ASIC2: variants seen among roughly 807,000 people sequenced by gnomAD.
ASIC2 encodes acid sensing ion channel subunit 2.
In ASIC2, 25 loss-of-function variants were observed where a neutral mutation model predicts 57.3. That is an observed-to-expected ratio of 0.44 (90% CI 0.32 to 0.61). The LOEUF (loss-of-function observed/expected upper bound fraction) is 0.61, where lower values mean the gene tolerates loss of function less well. Ranked by LOEUF, ASIC2 falls within the 20% of genes least tolerant of loss-of-function variation. ASIC2 has a pLI of 0.06. For missense variants in ASIC2, 641 were observed against 738.1 expected (o/e 0.87, Z 1.52); for synonymous variants, 319 against 307.5 (o/e 1.04, Z -0.39).
intron 1 of ASIC2, among the ~76,000 whole-genome samples, chr17:33,383,762 G>A (rs1031759620): frequency 1.3e-5 from 2 of 152,186 alleles, no homozygotes; most frequent in African/African-American, 4.8e-5. Context: ...ACAAAACAGT[G>A]GCAGGGATGG....
chr17:34,042,549 T>G (rs75489643), intron 1 of ASIC2, among the ~76,000 whole-genome samples: 2,403 of 151,776 alleles, frequency 0.016, 65 homozygotes, highest in East Asian at 0.059. Context: ...CTGGAGACAG[T>G]GGTAAGGTGT....
intron 1 of ASIC2, among the ~76,000 whole-genome samples, chr17:33,966,277 G>T (rs1905070713): frequency 6.6e-6 from 1 of 152,200 alleles, no homozygotes; most frequent in African/African-American, 2.4e-5. Flanking sequence ...AGGATAGCAT[G>T]GGCTTTGGAA....
intron 1 of ASIC2, among the ~76,000 whole-genome samples, chr17:33,202,275 T>G (rs1051418004): frequency 6.6e-6 from 1 of 152,092 alleles, no homozygotes; most frequent in African/African-American, 2.4e-5. Context: ...TGGAGCTAAC[T>G]CCCCACAGGG....
rs537614300 is a variant in ASIC2 at position 33,829,852 on chromosome 17, C to T, written c.555+326126G>A. On this transcript the variant is annotated intron_variant, in intron 1 of 9. Transcript: ENST00000359872. ...TGCTGGGATTACAGGCGTGAGCCAC[C>T]GCGCCCACCCTATGTTAAACATTTT... 1.2e-4 allele frequency among the ~76,000 whole-genome samples: 18 copies of T among 152,134 alleles called. No individual in the cohort carries two copies. In the East Asian group the frequency reaches 1.9e-3, roughly 16 times the overall value.
chr17:33,732,865 T>C (rs925729028), intron 1 of ASIC2, among the ~76,000 whole-genome samples: 4 of 152,190 alleles, frequency 2.6e-5, no homozygotes, highest in Admixed American at 2.6e-4. Context: ...CCCAAACTCC[T>C]GACCTCAAGT....
intron 3 of ASIC2, among the ~76,000 whole-genome samples, chr17:33,074,212 GT>G (rs2092080492): frequency 6.6e-6 from 1 of 152,172 alleles, no homozygotes; most frequent in Non-Finnish European, 1.5e-5. Context: ...TATGGGTTAT[GT>G]TTTTCTATTT....
chr17:33,070,473 G>A (rs2092064224), intron 3 of ASIC2, among the ~76,000 whole-genome samples: 1 of 151,940 alleles, frequency 6.6e-6, no homozygotes, highest in East Asian at 1.9e-4. Flanking sequence ...GAGTAGCTGG[G>A]ACTACAGGTG....
At chr17:33,605,221 C>G (rs1465397354) in intron 1 of ASIC2, among the ~76,000 whole-genome samples, 2 of 152,218 alleles carry the variant, frequency 1.3e-5, no homozygotes, top group African/African-American at 4.8e-5. Flanking sequence ...ATGGCAAGAG[C>G]CCTGGCTGCA....
chr17:33,856,502 CAGTAGTAGTGGTGGTGGTGGT>C (rs1913942112), intron 1 of ASIC2, among the ~76,000 whole-genome samples: 1 of 19,898 alleles, frequency 5.0e-5, no homozygotes, highest in South Asian at 1.9e-3. Context: ...ATAGTGTTGT[CAGTAGTAGTGGTGGTGGTGGT>C]AGTAGTAGTG....
intron 1 of ASIC2, chr17:34,118,667 A>G (rs2142116981): frequency 6.6e-6 from 1 of 152,334 alleles, no homozygotes; most frequent in South Asian, 2.1e-4. Context: ...CCGGGTTAGG[A>G]AATAAAGCAA....
intron 1 of ASIC2, among the ~76,000 whole-genome samples, chr17:33,981,780 T>A (rs1315538517): frequency 6.6e-6 from 1 of 152,210 alleles, no homozygotes; most frequent in African/African-American, 2.4e-5. Flanking sequence ...TCTTATTTAA[T>A]CCTCACAATT....
intron 1 of ASIC2, among the ~76,000 whole-genome samples, chr17:33,303,360 A>G (rs1381473384): frequency 6.6e-6 from 1 of 152,180 alleles, no homozygotes; most frequent in African/African-American, 2.4e-5. Context: ...GCTTGGGTGT[A>G]ATGTCACCAT....
chr17:33,607,515 C>T (rs1050708307), intron 1 of ASIC2, among the ~76,000 whole-genome samples: 3 of 152,072 alleles, frequency 2.0e-5, no homozygotes, highest in Non-Finnish European at 4.4e-5. Flanking sequence ...GGCGATCTTT[C>T]GAAAGCTGTT....
intron 1 of ASIC2, among the ~76,000 whole-genome samples, chr17:34,052,305 C>A (rs1908598181): frequency 6.6e-6 from 1 of 152,186 alleles, no homozygotes; most frequent in Non-Finnish European, 1.5e-5. Context: ...AGTGCCACCT[C>A]TTATCTTCAG....
rs1204541970 is a variant in ASIC2 at position 33,255,903 on chromosome 17, G to A, written c.708+35505C>T. Among the ~76,000 whole-genome samples, 3 of 152,026 alleles carry A rather than the reference G, an allele frequency of 2.0e-5. No homozygotes were observed. The East Asian group carries it at 5.8e-4, about 29-fold the overall frequency. On this transcript the variant is annotated intron_variant, in intron 1 of 9. Transcript: ENST00000225823. ...AAGTTGCAAGAATGCTACAAATAAT[G>A]GGACAAAGAACACCAATATACCCTC...
At chr17:34,049,362 G>A (rs146744566) in intron 1 of ASIC2, among the ~76,000 whole-genome samples, 1 of 152,130 alleles carries the variant, frequency 6.6e-6, no homozygotes, top group African/African-American at 2.4e-5. Flanking sequence ...ACTCCAGGAT[G>A]GTAGAAGAGC....
chr17:33,154,950 G>GT (rs1904937912), intron 1 of ASIC2, among the ~76,000 whole-genome samples: 1 of 152,168 alleles, frequency 6.6e-6, no homozygotes, highest in African/African-American at 2.4e-5. Context: ...ATTTCTAATT[G>GT]CGCTGAGGGA....
chr17:34,039,149 T>C (rs570491944), intron 1 of ASIC2: 26 of 1,613,928 alleles, frequency 1.6e-5, no homozygotes, highest in Middle Eastern at 1.6e-4. Flanking sequence ...AAATCACAGA[T>C]GGCTCTTAAT....
chr17:33,053,912 T>C (rs1178948816), intron 3 of ASIC2, among the ~76,000 whole-genome samples: 4 of 152,246 alleles, frequency 2.6e-5, no homozygotes, highest in African/African-American at 9.6e-5. Context: ...CGTTTCTGAT[T>C]GCTAAGGATT....
Sources: gnomAD v4.1 joint callset for allele counts (sites outside exome capture counted in the v4.1 genomes callset) on GRCh38, gnomAD v4.1.1 for gene constraint, MANE v1.5 for transcripts, NCBI Gene and HGNC (gene_info 2026-07-23, HGNC 2026-07-21) for gene names.